CEP63: variants seen among roughly 807,000 people sequenced by gnomAD.
The protein encoded by CEP63 is centrosomal protein of 63 kDa.
In CEP63, 84 loss-of-function variants were observed where a neutral mutation model predicts 89.1. The ratio of observed to expected loss-of-function variants is 0.94; its 90% CI spans 0.79 to 1.13. CEP63 has a LOEUF of 1.13. Among genes scored for constraint, CEP63 ranks in the 50% most tolerant of loss-of-function variants. CEP63 has a pLI of 0.00. For missense variants in CEP63, 838 were observed against 813.3 expected (o/e 1.03, Z -0.37); for synonymous variants, 267 against 272.5 (o/e 0.98, Z 0.20).
chr3:134,578,322 G>GTTTTTTTTT (rs71139542), downstream of CEP63, among the ~76,000 whole-genome samples: 243 of 61,958 alleles, frequency 3.9e-3, 12 homozygotes, highest in Non-Finnish European at 4.6e-3. Flanking sequence ...TCTGACTTGT[G>GTTTTTTTTT]TTTTTTTTTT....
chr3:134,750,570 C>CT, the CEP63 span, among the ~76,000 whole-genome samples: 1 of 152,156 alleles, frequency 6.6e-6, no homozygotes, highest in African/African-American at 2.4e-5. Flanking sequence ...CATGCAGGGC[C>CT]TTTTTCCTTG....
chr3:134,565,919 C>A (rs1296116807), downstream of CEP63, among the ~76,000 whole-genome samples: 1 of 152,124 alleles, frequency 6.6e-6, no homozygotes, highest in Admixed American at 6.5e-5. Context: ...CAGCTCCCCC[C>A]ACAGTATGCT....
the CEP63 span, among the ~76,000 whole-genome samples, chr3:134,704,809 G>T: frequency 5.9e-5 from 9 of 152,008 alleles, no homozygotes; most frequent in Non-Finnish European, 1.3e-4. Context: ...TGCAAATAGT[G>T]TGTGAATCCC....
At chr3:134,682,249 C>T in the CEP63 span, among the ~76,000 whole-genome samples, 1 of 152,120 alleles carries the variant, frequency 6.6e-6, no homozygotes, top group Non-Finnish European at 1.5e-5. Context: ...CTTCTGAGTG[C>T]CCTGGAGGAT....
intron 2 of CEP63, among the ~76,000 whole-genome samples, chr3:134,502,895 T>C (rs1942407428): frequency 6.6e-6 from 1 of 152,258 alleles, no homozygotes; most frequent in South Asian, 2.1e-4. Context: ...GGTTGTTAAC[T>C]TGAGATCTTA....
intron 4 of CEP63, 89 bp from the exon 5 acceptor site, chr3:134,532,689 A>G: frequency 2.9e-6 from 3 of 1,030,606 alleles, no homozygotes; most frequent in Non-Finnish European, 4.5e-6. Flanking sequence ...ACTGGTTAGC[A>G]CTGCTCTTGT....
chr3:134,730,108 A>T, the CEP63 span, among the ~76,000 whole-genome samples: 1 of 152,208 alleles, frequency 6.6e-6, no homozygotes, highest in Non-Finnish European at 1.5e-5. Context: ...ATGGGGTCTT[A>T]CCCATAGGGT....
chr3:134,775,618 C>T, the CEP63 span, among the ~76,000 whole-genome samples: 2 of 152,040 alleles, frequency 1.3e-5, no homozygotes, highest in African/African-American at 2.4e-5. Context: ...CCAATACGCC[C>T]CCTACTAAAC....
At chr3:134,736,085 A>G in the CEP63 span, among the ~76,000 whole-genome samples, 1 of 152,180 alleles carries the variant, frequency 6.6e-6, no homozygotes, top group Non-Finnish European at 1.5e-5. Context: ...GTTTTATCCC[A>G]GGGATGCATG....
intron 2 of CEP63, among the ~76,000 whole-genome samples, chr3:134,501,580 A>G (rs1307663560): frequency 7.6e-6 from 1 of 130,882 alleles, no homozygotes; most frequent in Non-Finnish European, 1.7e-5. Context: ...ATTTTTTTTT[A>G]TGTGTGGCTA....
chr3:134,616,223 C>CA, the CEP63 span, among the ~76,000 whole-genome samples: 8 of 152,122 alleles, frequency 5.3e-5, no homozygotes, highest in Admixed American at 2.6e-4. Flanking sequence ...TAGCATTAAC[C>CA]AAAAAACCCC....
chr3:134,699,905 C>T, the CEP63 span, among the ~76,000 whole-genome samples: 1 of 152,244 alleles, frequency 6.6e-6, no homozygotes, highest in Non-Finnish European at 1.5e-5. Flanking sequence ...CTAATTGTTC[C>T]CAGCCCTGAT....
the CEP63 span, among the ~76,000 whole-genome samples, chr3:134,717,603 T>C: frequency 6.6e-6 from 1 of 152,188 alleles, no homozygotes; most frequent in South Asian, 2.1e-4. Flanking sequence ...ACATAGTGTG[T>C]GTACATTTAG....
At chr3:134,541,481 T>A (rs1001754364) in intron 6 of CEP63, among the ~76,000 whole-genome samples, 3 of 151,744 alleles carry the variant, frequency 2.0e-5, no homozygotes, top group Non-Finnish European at 4.4e-5. Flanking sequence ...AAAATTCATA[T>A]GGAATGATAA....
the CEP63 span, among the ~76,000 whole-genome samples, chr3:134,770,064 T>A: frequency 6.6e-6 from 1 of 152,226 alleles, no homozygotes; most frequent in Non-Finnish European, 1.5e-5. Context: ...CTTCCTCCAT[T>A]AAGCTAAGCT....
chr3:134,726,596 A>G, the CEP63 span, among the ~76,000 whole-genome samples: 1 of 151,976 alleles, frequency 6.6e-6, no homozygotes, highest in South Asian at 2.1e-4. Context: ...AGCCCAGGAG[A>G]TGCTAGGGGC....
chr3:134,763,016 A>G, the CEP63 span, among the ~76,000 whole-genome samples: 2 of 152,208 alleles, frequency 1.3e-5, no homozygotes, highest in Non-Finnish European at 2.9e-5. Context: ...ATAAGAAGGC[A>G]GAGACAGTTT....
intron 10 of CEP63, among the ~76,000 whole-genome samples, chr3:134,586,507 G>T (rs777348988): frequency 9.2e-5 from 14 of 152,206 alleles, no homozygotes; most frequent in Non-Finnish European, 1.6e-4. Flanking sequence ...CTTTAAGAAT[G>T]TTGAATATTG....
the CEP63 span, among the ~76,000 whole-genome samples, chr3:134,728,963 T>C: frequency 6.6e-6 from 1 of 152,118 alleles, no homozygotes; most frequent in Non-Finnish European, 1.5e-5. Context: ...ATATTCCATG[T>C]ACATTTCTGG....
Sources: gnomAD v4.1 joint callset for allele counts (sites outside exome capture counted in the v4.1 genomes callset) on GRCh38, gnomAD v4.1.1 for gene constraint, MANE v1.5 for transcripts, NCBI Gene and HGNC (gene_info 2026-07-23, HGNC 2026-07-21) for gene names.